ZP4: variants seen among roughly 807,000 people sequenced by gnomAD.
ZP4 encodes the protein zona pellucida sperm-binding protein 4.
Under a neutral mutation model 62.3 loss-of-function variants are expected in ZP4, and 62 were observed. The observed-to-expected ratio is 0.99, with a 90% CI of 0.81 to 1.23. The LOEUF (loss-of-function observed/expected upper bound fraction) is 1.23. Ranked by LOEUF, ZP4 falls within the 50% of genes most tolerant of loss-of-function variation. ZP4 has a pLI of 0.00. For missense variants in ZP4, 774 were observed against 656.0 expected, an observed-to-expected ratio of 1.18 and a Z score of -1.97; for synonymous variants, 289 against 247.3, an observed-to-expected ratio of 1.17 and a Z score of -1.58.
intron 4 of ZP4, among the ~76,000 whole-genome samples, 181 bp from the exon 5 acceptor site, chr1:237,887,742 T>A (rs1384953758): frequency 6.6e-6 from 1 of 152,148 alleles, no homozygotes; most frequent in Admixed American, 6.5e-5. Flanking sequence ...TGATCTGGGG[T>A]TGAGTCTTGC....
chr1:237,890,723 C>G lies in ZP4; in HGVS notation c.-88G>C. The G allele has an allele frequency of 6.9e-7, 1 of 1,449,540 alleles. No homozygotes were observed. Among genetic ancestry groups the G allele is most frequent in the Non-Finnish European group, 9.3e-7 (1 of 1,080,476 alleles). The allele number at this position is 1,449,540 out of a possible 1,614,324, so 89.8% of individuals were successfully genotyped here. ...CTGCCTGCCCAGATTCCTTTATATA[C>G]AGAAGTCAGGCTTGTTTTCAGCTGC... is the stretch of plus-strand genomic sequence containing the variant. On this transcript the variant is annotated 5_prime_UTR_variant, in exon 1 of 12. Coordinates refer to ENST00000366570, the MANE Select transcript of ZP4 (RefSeq NM_021186.5).
chr1:237,887,410 G>T lies in ZP4; in HGVS notation c.705C>A (p.Phe235Leu), dbSNP rs761942721. The T allele has an allele frequency of 6.2e-7, 1 of 1,614,040 alleles. No individual in the cohort carries two copies. Among genetic ancestry groups the T allele is most frequent in the Non-Finnish European group, 8.5e-7 (1 of 1,180,024 alleles). Residue 235 changes from phenylalanine to leucine, a missense_variant, in exon 5 of 12, where the codon TTC becomes TTA. Coordinates refer to ENST00000366570, the MANE Select transcript of ZP4 (RefSeq NM_021186.5). ...TGCCACAGGAAGTAAATGGAAACTG[G>T]AACAGAACAAAAGCTTGTGTTGCCA... is the stretch of plus-strand genomic sequence containing the variant. ...PVMATQAFVLFQFPFTSCGTT... is the reference protein window; with the variant it reads ...PVMATQAFVLLQFPFTSCGTT...
At chr1:237,890,279 G>A in intron 1 of ZP4, 103 bp from the exon 2 acceptor site, 1 of 1,563,050 alleles carries the variant, frequency 6.4e-7, no homozygotes, top group Non-Finnish European at 8.8e-7. Flanking sequence ...CTGTCAATAA[G>A]AGGAACAAGA....
At chr1:237,887,678 C>G in intron 4 of ZP4, 117 bp from the exon 5 acceptor site, 1 of 1,052,406 alleles carries the variant, frequency 9.5e-7, no homozygotes, top group Non-Finnish European at 1.4e-6. Context: ...GACAACTTCC[C>G]AGTGACAACC....
rs1665081106 is a variant in ZP4 at position 237,885,560 on chromosome 1, A to T, written c.991T>A (p.Tyr331Asn). 1.2e-6 allele frequency: 2 copies of T among 1,613,386 alleles called. No individual in the cohort carries two copies. The highest frequency in any genetic ancestry group is 2.2e-5 in the South Asian group (2 of 90,938). The change falls in exon 8 of 12, where the codon TAC (tyrosine) becomes AAC (asparagine). Residue 331 changes from tyrosine to asparagine, a missense_variant. Physicochemically the swap from Tyr to Asn is moderately radical, Grantham distance 143. Coordinates refer to ENST00000366570, the MANE Select transcript of ZP4 (RefSeq NM_021186.5). ...IAKDKNYGSY[Y>N]GVGDYPVVKL... ...ACCACTGGGTAGTCACCAACACCGTAGTAAGAGCCATAGTTTTTATCTGCA... is the reference window on the plus strand; with the variant it reads ...ACCACTGGGTAGTCACCAACACCGTTGTAAGAGCCATAGTTTTTATCTGCA...
At chr1:237,882,933 C>A in intron 10 of ZP4, 87 bp from the exon 11 acceptor site, 1 of 1,106,908 alleles carries the variant, frequency 9.0e-7, no homozygotes, top group Admixed American at 2.2e-5. Flanking sequence ...GGCCAAGTGT[C>A]TCTATAAAGC....
intron 10 of ZP4, among the ~76,000 whole-genome samples, chr1:237,883,808 A>T (rs1664999975): frequency 6.7e-6 from 1 of 148,574 alleles, no homozygotes; most frequent in Non-Finnish European, 1.5e-5. Flanking sequence ...AGAGGAAGAG[A>T]GGGAGAAAGG....
At chr1:237,886,910 G>A (rs1665117218) in intron 5 of ZP4, 42 bp from the exon 6 acceptor site, 1 of 1,552,566 alleles carries the variant, frequency 6.4e-7, no homozygotes. Context: ...TTCTGTTAGT[G>A]TTATGCTGCT....
chr1:237,882,719 T>C, intron 11 of ZP4, 23 bp downstream of exon 11: 1 of 1,609,856 alleles, frequency 6.2e-7, no homozygotes, highest in Non-Finnish European at 8.5e-7. Flanking sequence ...ACTAGTTTGA[T>C]CTCCTCCCTC....
At chr1:237,883,983 A>ACACAC (rs1665013477) in intron 10 of ZP4, among the ~76,000 whole-genome samples, 2 of 42,412 alleles carry the variant, frequency 4.7e-5, no homozygotes, top group African/African-American at 1.8e-4. Context: ...CACACACACA[A>ACACAC]ACACACACAC....
intron 5 of ZP4, among the ~76,000 whole-genome samples, chr1:237,887,151 G>A (rs1446093905): frequency 1.3e-5 from 2 of 152,150 alleles, no homozygotes; most frequent in Non-Finnish European, 2.9e-5. Flanking sequence ...CACGGTAAAT[G>A]ACAGCCCCTT....
chr1:237,888,328 C>T (rs1665155614), intron 4 of ZP4, 30 bp downstream of exon 4: 1 of 1,514,108 alleles, frequency 6.6e-7, no homozygotes, highest in Non-Finnish European at 8.9e-7. Flanking sequence ...ACTTCCTCAG[C>T]TGGTTTCAGA....
intron 10 of ZP4, among the ~76,000 whole-genome samples, chr1:237,883,412 T>C (rs1664961003): frequency 6.6e-6 from 1 of 150,772 alleles, no homozygotes. Context: ...AAGATCCATC[T>C]CTATAAAAAA....
At chr1:237,887,157 C>T (rs1665122705) in intron 5 of ZP4, among the ~76,000 whole-genome samples, 1 of 152,132 alleles carries the variant, frequency 6.6e-6, no homozygotes, top group African/African-American at 2.4e-5. Context: ...AAATGACAGC[C>T]CCTTAGCTAG....
At position 237,885,227 on chromosome 1, in the gene ZP4, A is replaced by G. The variant is rs563109442; in HGVS notation, c.1249T>C (p.Phe417Leu). The change falls in exon 9 of 12, where the codon TTC (phenylalanine) becomes CTC (leucine). Residue 417 changes from phenylalanine (F) to leucine (L), a missense_variant. By Grantham distance (22) the Phe-to-Leu change is conservative. Transcript: ENST00000366570. Reference protein sequence around the residue: ...DLPFPSHHQRFSIFTFSFVNP... With the variant: ...DLPFPSHHQRLSIFTFSFVNP... Reference sequence around the variant, plus strand: ...ACAAAGCTGAAGGTGAAGATGCTGAAGCGCTGGTGGTGAGAGGGAAATGGA... The same window carrying G: ...ACAAAGCTGAAGGTGAAGATGCTGAGGCGCTGGTGGTGAGAGGGAAATGGA... The G allele has an allele frequency of 6.2e-6, 10 of 1,614,132 alleles. No homozygotes were observed. Among genetic ancestry groups the G allele is most frequent in the African/African-American group, 4.0e-5 (3 of 75,024 alleles).
Position 237,882,452 on chromosome 1 carries a change from C to T in ZP4, c.1593G>A (p.Gln531=). ...GACACATTTGGTCTGGGCAACTCTT[C>T]TGTTTCTTGACAGCCAAGTAGGATA... is the stretch of plus-strand genomic sequence containing the variant. ...LLVSYLAVKK[Q]KSCPDQMCQ is the part of the protein sequence containing the mutation. Residue 531 remains glutamine, a synonymous_variant, in exon 12 of 12, where the codon CAG becomes CAA. Transcript: ENST00000366570. The T allele has an allele frequency of 1.2e-6, 2 of 1,611,276 alleles. No individual in the cohort carries two copies. The highest frequency in any genetic ancestry group is 1.7e-6 in the Non-Finnish European group (2 of 1,179,444).
rs146263451 is a variant in ZP4 at position 237,885,840 on chromosome 1, T to C, written c.886A>G (p.Ile296Val). Residue 296 changes from isoleucine to valine, a missense_variant, in exon 7 of 12, where the codon ATC becomes GTC. By Grantham distance (29) the Ile-to-Val change is conservative. Coordinates refer to ENST00000366570, the MANE Select transcript of ZP4 (RefSeq NM_021186.5). ...GGGAGAGTGAAAACCTGGACATTGA[T>C]TGGGAGAGAGTTGCTACTTACTGAG... ...SYSVSSNSLPINVQVFTLPPP... is the reference protein window; with the variant it reads ...SYSVSSNSLPVNVQVFTLPPP... 340 of 1,613,918 alleles carry C rather than the reference T, an allele frequency of 2.1e-4. 1 individual carries two copies. Among genetic ancestry groups the C allele is most frequent in the Non-Finnish European group, 2.8e-4 (325 of 1,179,990 alleles).
intron 3 of ZP4, among the ~76,000 whole-genome samples, chr1:237,889,216 G>C (rs1312167643): frequency 6.6e-6 from 1 of 152,036 alleles, no homozygotes; most frequent in Non-Finnish European, 1.5e-5. Context: ...CTCCCCATGG[G>C]TGAAAAGCTC....
At position 237,884,749 on chromosome 1, in the gene ZP4, C is replaced by G. The variant is rs563725129; in HGVS notation, c.1390+20G>C. On this transcript the variant is annotated intron_variant, in intron 10 of 11. Transcript: ENST00000366570. ...CTCAAGATTCATTCAAATCTGTCCT[C>G]TAACAGCTTGGTTACTCACGACTGA... The G allele has an allele frequency of 1.2e-6, 2 of 1,610,156 alleles. No homozygotes were observed. Among genetic ancestry groups the G allele is most frequent in the Non-Finnish European group, 1.7e-6 (2 of 1,177,760 alleles).
Sources: allele counts gnomAD v4.1 joint callset (sites outside exome capture counted in the v4.1 genomes callset), GRCh38; gene constraint gnomAD v4.1.1; transcripts MANE v1.5; gene names NCBI Gene and HGNC (gene_info 2026-07-23, HGNC 2026-07-21).